The following DHX35 variants were observed in gnomAD, a reference collection of about 807,000 sequenced individuals.
DHX35 encodes the protein probable ATP-dependent RNA helicase DHX35.
In DHX35, 84 loss-of-function variants were observed where a neutral mutation model predicts 99.6. The observed-to-expected ratio is 0.84, with a 90% CI of 0.71 to 1.01. The LOEUF (loss-of-function observed/expected upper bound fraction) is 1.01, where lower values mean the gene tolerates loss of function less well. DHX35 is among the 50% of genes least tolerant of loss of function. The probability of loss-of-function intolerance (pLI) is 0.00; values close to 1 mark genes in which losing one functional copy is unlikely to be tolerated. For missense variants in DHX35, 852 were observed against 888.5 expected (o/e 0.96, Z 0.52); for synonymous variants, 331 against 316.2 (o/e 1.05, Z -0.50).
intron 3 of DHX35, among the ~76,000 whole-genome samples, chr20:38,973,799 C>T (rs921115787): frequency 3.3e-5 from 5 of 152,232 alleles, no homozygotes; most frequent in Non-Finnish European, 7.3e-5. Flanking sequence ...GGCTACCACA[C>T]AGGGTTGAAC....
intron 11 of DHX35, among the ~76,000 whole-genome samples, chr20:39,004,390 C>T (rs2086579194): frequency 6.6e-6 from 1 of 152,166 alleles, no homozygotes; most frequent in Non-Finnish European, 1.5e-5. Context: ...AAACCTGTCC[C>T]ACTGAAGGAT....
intron 8 of DHX35, among the ~76,000 whole-genome samples, chr20:38,998,060 G>A (rs558665405): frequency 1.3e-5 from 2 of 152,384 alleles, no homozygotes; most frequent in South Asian, 4.1e-4. Flanking sequence ...GAGACCTGCA[G>A]AGCATGATGG....
intron 8 of DHX35, among the ~76,000 whole-genome samples, chr20:38,995,888 G>A (rs1414418375): frequency 6.6e-6 from 1 of 152,212 alleles, no homozygotes; most frequent in African/African-American, 2.4e-5. Context: ...ACATGACCAT[G>A]AGTTCATGGA....
Position 38,977,141 on chromosome 20 carries a change from C to T in DHX35, c.267+4490C>T, listed in dbSNP as rs150712685. Reference sequence around the variant, plus strand: ...GGGATTGCTGCATCATATGGTAGTTCTGTTTTTAATTTTTCGAGAAACCTC... The same window carrying T: ...GGGATTGCTGCATCATATGGTAGTTTTGTTTTTAATTTTTCGAGAAACCTC... On this transcript the variant is annotated intron_variant, in intron 3 of 21. Coordinates refer to ENST00000252011, the MANE Select transcript of DHX35 (RefSeq NM_021931.4). Among the ~76,000 whole-genome samples the T allele has an allele frequency of 6.7e-3, 1,025 of 152,184 alleles. 5 individuals are homozygous for T. The highest frequency in any genetic ancestry group is 0.011 in the Non-Finnish European group (776 of 67,992).
chr20:39,003,019 A>C (rs866323095), intron 10 of DHX35, 151 bp downstream of exon 10: 2 of 695,886 alleles, frequency 2.9e-6, no homozygotes, highest in Middle Eastern at 5.0e-4. Flanking sequence ...GATGTCATTC[A>C]TCTACCATCT....
chr20:38,990,648 T>C (rs2086324213), intron 5 of DHX35, among the ~76,000 whole-genome samples: 1 of 152,194 alleles, frequency 6.6e-6, no homozygotes, highest in Admixed American at 6.5e-5. Flanking sequence ...TACATTGTTT[T>C]AGTCATTCTA....
At chr20:39,017,621 G>A (rs1334396869) in intron 14 of DHX35, among the ~76,000 whole-genome samples, 1 of 151,960 alleles carries the variant, frequency 6.6e-6, no homozygotes, top group East Asian at 1.9e-4. Context: ...ATGTCTTACT[G>A]AGCTCTGCCT....
chr20:39,030,888 C>A, intron 20 of DHX35, 113 bp downstream of exon 20: 1 of 1,204,188 alleles, frequency 8.3e-7, no homozygotes, highest in Non-Finnish European at 1.2e-6. Flanking sequence ...CTGGGCCGGG[C>A]GTGGTGGCTC....
intron 1 of DHX35, 115 bp from the exon 2 acceptor site, chr20:38,968,966 T>G: frequency 8.1e-7 from 1 of 1,232,402 alleles, no homozygotes; most frequent in Non-Finnish European, 1.1e-6. Flanking sequence ...TTGAGTAGTT[T>G]GAGATAAAAA....
At chr20:39,037,165 A>C (rs1254588131) in intron 21 of DHX35, among the ~76,000 whole-genome samples, 2 of 152,144 alleles carry the variant, frequency 1.3e-5, no homozygotes, top group East Asian at 3.8e-4. Context: ...TCCCATCCCC[A>C]AGCTAAGGCC....
At chr20:38,993,743 A>G (rs1404488510) in intron 7 of DHX35, among the ~76,000 whole-genome samples, 1 of 146,988 alleles carries the variant, frequency 6.8e-6, no homozygotes, top group East Asian at 2.0e-4. Flanking sequence ...ACAGGTGGCT[A>G]GTGGCTTATG....
chr20:38,999,625 G>C (rs1050946343), intron 8 of DHX35, among the ~76,000 whole-genome samples: 8 of 152,190 alleles, frequency 5.3e-5, no homozygotes, highest in African/African-American at 1.9e-4. Context: ...CAATGTGCAC[G>C]TGTGTGCACG....
chr20:39,036,814 G>C (rs1427952093), intron 21 of DHX35, among the ~76,000 whole-genome samples: 1 of 149,572 alleles, frequency 6.7e-6, no homozygotes, highest in East Asian at 2.0e-4. Flanking sequence ...AGAGAAACTT[G>C]TGTTGTTTCT....
At chr20:39,000,652 C>T (rs1222184974) in intron 8 of DHX35, among the ~76,000 whole-genome samples, 2 of 152,120 alleles carry the variant, frequency 1.3e-5, no homozygotes, top group African/African-American at 2.4e-5. Context: ...CTTCACTTAG[C>T]GTTTGATGCC....
At chr20:39,007,272 A>G (rs1259517036) in intron 12 of DHX35, among the ~76,000 whole-genome samples, 3 of 152,172 alleles carry the variant, frequency 2.0e-5, no homozygotes, top group African/African-American at 7.2e-5. Flanking sequence ...CACCTGCTGT[A>G]TGCTGGCCAC....
intron 14 of DHX35, among the ~76,000 whole-genome samples, chr20:39,018,266 C>CA (rs1568752636): frequency 2.0e-5 from 3 of 151,988 alleles, no homozygotes; most frequent in African/African-American, 7.3e-5. Context: ...GTGGCCTGTC[C>CA]GGTCCTGGAG....
At chr20:39,015,323 C>A (rs935971089) in intron 14 of DHX35, among the ~76,000 whole-genome samples, 1 of 152,168 alleles carries the variant, frequency 6.6e-6, no homozygotes, top group African/African-American at 2.4e-5. Flanking sequence ...AAATCCTCTT[C>A]ATTTCATTCC....
chr20:38,999,025 C>T lies in DHX35; in HGVS notation c.643-2705C>T, dbSNP rs6093112. On this transcript the variant is annotated intron_variant, in intron 8 of 21. Coordinates refer to ENST00000252011, the MANE Select transcript of DHX35 (RefSeq NM_021931.4). ...TGTTGGCCAGGCTGGTTTTGAACTC[C>T]TGACCTCAGGCCATCCACCCGCCTT... Among the ~76,000 whole-genome samples the T allele has an allele frequency of 2.8e-3, 428 of 152,254 alleles. 2 individuals carry two copies. The highest frequency in any genetic ancestry group is 9.8e-3 in the African/African-American group (409 of 41,536).
intron 17 of DHX35, 125 bp from the exon 18 acceptor site, chr20:39,025,105 T>C: frequency 8.5e-7 from 1 of 1,173,778 alleles, no homozygotes. Context: ...AAGGGCCAGT[T>C]CCCATCTTTA....
Sources: gnomAD v4.1 joint callset for allele counts (sites outside exome capture counted in the v4.1 genomes callset) on GRCh38, gnomAD v4.1.1 for gene constraint, MANE v1.5 for transcripts, NCBI Gene and HGNC (gene_info 2026-07-23, HGNC 2026-07-21) for gene names.